KALRN: variants seen among roughly 807,000 people sequenced by gnomAD.
KALRN encodes the protein kalirin.
A neutral mutation model predicts 353.7 loss-of-function variants in KALRN; 70 were observed. That is an observed-to-expected ratio of 0.20 (90% CI 0.16 to 0.24). The LOEUF (loss-of-function observed/expected upper bound fraction) is 0.24, where lower values mean the gene tolerates loss of function less well. Among genes scored for constraint, KALRN ranks in the 10% least tolerant of loss-of-function variants. The probability of loss-of-function intolerance (pLI) is 1.00; values close to 1 mark genes in which losing one functional copy is unlikely to be tolerated. For synonymous variants in KALRN, 1,391 were observed against 1,434.8 expected, an observed-to-expected ratio of 0.97 and a Z score of 0.69; for missense variants, 2,791 against 3,756.7, an observed-to-expected ratio of 0.74 and a Z score of 6.72.
chr3:124,406,117 A>G (rs2091513171), intron 13 of KALRN, among the ~76,000 whole-genome samples: 1 of 152,250 alleles, frequency 6.6e-6, no homozygotes, highest in Admixed American at 6.5e-5. Context: ...GCCAAAAATT[A>G]AAAACTGACT....
In KALRN at chr3:124,166,857, G is replaced by A. The variant is rs192238034; in HGVS notation, c.74-61133G>A. On this transcript the variant is annotated intron_variant, in intron 1 of 59. Coordinates refer to ENST00000682506, the MANE Select transcript of KALRN (RefSeq NM_001388419.1). ...AGTTTGAGACCAGCCTAGCCAACATGGTAAAACCCCGTCTCTACTTAAAAG... is the reference window on the plus strand; with the variant it reads ...AGTTTGAGACCAGCCTAGCCAACATAGTAAAACCCCGTCTCTACTTAAAAG... Among the ~76,000 whole-genome samples the A allele has an allele frequency of 1.2e-4, 19 of 152,068 alleles. No homozygotes were observed. In the East Asian group the frequency reaches 3.3e-3, roughly 26 times the overall value.
At chr3:124,167,735 G>A (rs2071102457) in intron 1 of KALRN, among the ~76,000 whole-genome samples, 1 of 152,176 alleles carries the variant, frequency 6.6e-6, no homozygotes, top group East Asian at 1.9e-4. Context: ...GCCATAGAGT[G>A]TGTTCTCCCA....
intron 1 of KALRN, among the ~76,000 whole-genome samples, chr3:124,167,019 T>C (rs796842012): frequency 9.2e-5 from 14 of 152,272 alleles, no homozygotes; most frequent in African/African-American, 3.1e-4. Flanking sequence ...CACTCCAGCC[T>C]GGGCAACAGA....
intron 1 of KALRN, among the ~76,000 whole-genome samples, chr3:124,158,981 G>A (rs906620800): frequency 6.6e-6 from 1 of 151,832 alleles, no homozygotes; most frequent in African/African-American, 2.4e-5. Flanking sequence ...CTGGACTCAG[G>A]GCCCTATAGG....
At chr3:124,080,518 A>G (rs1435471756) in intron 1 of KALRN, among the ~76,000 whole-genome samples, 2 of 152,210 alleles carry the variant, frequency 1.3e-5, no homozygotes, top group African/African-American at 2.4e-5. Flanking sequence ...TGAGGTTAAC[A>G]TATCATTTTG....
chr3:124,101,859 A>C (rs893285265), intron 1 of KALRN, among the ~76,000 whole-genome samples: 10 of 152,074 alleles, frequency 6.6e-5, no homozygotes, highest in Admixed American at 1.3e-4. Flanking sequence ...CTAGCCTGCC[A>C]TGGACTCTGG....
chr3:124,698,602 A>T (rs950257121), intron 55 of KALRN, among the ~76,000 whole-genome samples: 1 of 152,200 alleles, frequency 6.6e-6, no homozygotes, highest in Non-Finnish European at 1.5e-5. Flanking sequence ...GCCTAAAGAA[A>T]GTTAAGAAAC....
intron 2 of KALRN, among the ~76,000 whole-genome samples, chr3:124,233,718 T>C (rs1252396256): frequency 6.6e-6 from 1 of 152,198 alleles, no homozygotes. Context: ...CTCTGCCCTC[T>C]GTGTAAGAGA....
intron 1 of KALRN, among the ~76,000 whole-genome samples, chr3:124,079,393 T>C (rs2332736): frequency 0.89 from 135,030 of 152,276 alleles, 60,558 homozygotes; most frequent in East Asian, 0.99. Context: ...TACATGTTTC[T>C]TTAAAAGGGA....
chr3:124,038,930 T>C (rs1473541638), intron 1 of KALRN, among the ~76,000 whole-genome samples: 1 of 152,248 alleles, frequency 6.6e-6, no homozygotes, highest in East Asian at 1.9e-4. Context: ...TTGCTGCTCA[T>C]TCACAGGGCA....
intron 1 of KALRN, among the ~76,000 whole-genome samples, chr3:124,132,353 C>T (rs1476969798): frequency 1.3e-5 from 2 of 152,168 alleles, no homozygotes; most frequent in Non-Finnish European, 2.9e-5. Context: ...GCTCAATCAT[C>T]ACTTCAAGTG....
At chr3:124,454,382 G>A (rs978810526) in intron 21 of KALRN, among the ~76,000 whole-genome samples, 1 of 152,134 alleles carries the variant, frequency 6.6e-6, no homozygotes, top group African/African-American at 2.4e-5. Context: ...GGTTCAAAGA[G>A]ACCTGCATCA....
At chr3:124,338,771 C>G (rs969754689) in intron 9 of KALRN, among the ~76,000 whole-genome samples, 1 of 151,988 alleles carries the variant, frequency 6.6e-6, no homozygotes. Context: ...GTGGGAGTCT[C>G]TCTTTGTAGG....
chr3:124,399,511 T>C (rs2090593539), intron 13 of KALRN, among the ~76,000 whole-genome samples: 1 of 152,210 alleles, frequency 6.6e-6, no homozygotes, highest in Admixed American at 6.5e-5. Flanking sequence ...GAGCTGGTAG[T>C]TTGCTGATTG....
At chr3:124,383,030 T>G (rs533292450) in intron 10 of KALRN, among the ~76,000 whole-genome samples, 3 of 152,314 alleles carry the variant, frequency 2.0e-5, no homozygotes, top group African/African-American at 7.2e-5. Flanking sequence ...GGCCAAGTGA[T>G]TTTTCCTCTT....
At chr3:124,354,929 T>TCTC (rs2083226862) in intron 10 of KALRN, among the ~76,000 whole-genome samples, 2 of 152,178 alleles carry the variant, frequency 1.3e-5, no homozygotes, top group Non-Finnish European at 2.9e-5. Context: ...AAATGAGCCA[T>TCTC]CATGTTAGTG....
intron 1 of KALRN, among the ~76,000 whole-genome samples, chr3:124,051,375 C>T (rs547382088): frequency 4.5e-4 from 68 of 152,266 alleles, no homozygotes; most frequent in African/African-American, 1.6e-3. Context: ...TTTCTCCTTA[C>T]TTTGCTAGGA....
intron 34 of KALRN, among the ~76,000 whole-genome samples, chr3:124,583,660 C>T (rs941220326): frequency 3.3e-5 from 5 of 152,000 alleles, no homozygotes; most frequent in Admixed American, 1.3e-4. Flanking sequence ...GGACTGGTTC[C>T]TCAAAGACAA....
chr3:124,541,978 T>C (rs1368446098), intron 33 of KALRN, among the ~76,000 whole-genome samples: 1 of 152,132 alleles, frequency 6.6e-6, no homozygotes, highest in Non-Finnish European at 1.5e-5. Flanking sequence ...GGAGACGCTG[T>C]CTCAAAAGAA....
Sources: gnomAD v4.1 joint callset for allele counts (sites outside exome capture counted in the v4.1 genomes callset) on GRCh38, gnomAD v4.1.1 for gene constraint, MANE v1.5 for transcripts, NCBI Gene and HGNC (gene_info 2026-07-23, HGNC 2026-07-21) for gene names.